ITSN2: variants seen among roughly 807,000 people sequenced by gnomAD.
ITSN2 encodes the protein intersectin 2.
Under a neutral mutation model 243.7 loss-of-function variants are expected in ITSN2, and 156 were observed. The ratio of observed to expected loss-of-function variants is 0.64; its 90% CI spans 0.56 to 0.73. The LOEUF is 0.73. Among genes scored for constraint, ITSN2 ranks in the 30% least tolerant of loss-of-function variants. The pLI, the probability that ITSN2 is intolerant of heterozygous loss-of-function variation, is 0.00. For synonymous variants in ITSN2, 703 were observed against 699.9 expected (o/e 1.00, Z -0.07); for missense variants, 1,801 against 1,996.1 (o/e 0.90, Z 1.86).
chr2:24,255,991 T>C (rs1011106605), intron 23 of ITSN2, among the ~76,000 whole-genome samples: 3 of 151,914 alleles, frequency 2.0e-5, no homozygotes, highest in Admixed American at 1.3e-4. Flanking sequence ...AGGTGGAGGT[T>C]GTGGTGAGCT....
In ITSN2 at chr2:24,249,132, G is replaced by C. The variant is rs1382036916; in HGVS notation, c.3121-250C>G. ...TCATCGTCAACCATTGACTCAACAG[G>C]AAGAGCTCGTTTTCTGAAACCTAAA... On this transcript the variant is annotated intron_variant, in intron 25 of 39. Coordinates refer to ENST00000355123, the MANE Select transcript of ITSN2 (RefSeq NM_006277.3). The surrounding 1 kb of genome is among the most constrained non-coding windows in gnomAD (Gnocchi z 4.4). Among the ~76,000 whole-genome samples, 2 of 152,116 alleles carry C rather than the reference G, an allele frequency of 1.3e-5. No homozygotes were observed. The highest frequency in any genetic ancestry group is 2.1e-4 in the South Asian group (1 of 4,826).
chr2:24,306,217 T>C (rs1682518991), intron 8 of ITSN2, among the ~76,000 whole-genome samples: 1 of 152,120 alleles, frequency 6.6e-6, no homozygotes, highest in Non-Finnish European at 1.5e-5. Flanking sequence ...TGACCTCAAG[T>C]GATCCGCCCG....
intron 1 of ITSN2, among the ~76,000 whole-genome samples, chr2:24,358,811 C>G (rs1328120291): frequency 6.6e-6 from 1 of 152,148 alleles, no homozygotes; most frequent in Non-Finnish European, 1.5e-5. Flanking sequence ...CAGGAGAGAT[C>G]AAGATTTTAG....
chr2:24,208,595 C>T (rs182998019), intron 36 of ITSN2, among the ~76,000 whole-genome samples: 1 of 152,190 alleles, frequency 6.6e-6, no homozygotes, highest in Non-Finnish European at 1.5e-5. Context: ...TGATACCTGT[C>T]ACGAGGGGTT....
intron 8 of ITSN2, among the ~76,000 whole-genome samples, chr2:24,304,775 A>T (rs1370941171): frequency 6.6e-6 from 1 of 152,168 alleles, no homozygotes; most frequent in East Asian, 1.9e-4. Context: ...AGAGAGAAGG[A>T]GGAGGAATGT....
rs1668668623 is a variant in ITSN2, at chr2:24,204,688, AC to A, written c.4763-271del. 5.1e-6 allele frequency: 3 copies of A among 592,478 alleles called. No homozygotes were observed. In the East Asian group the frequency reaches 1.1e-4, roughly 22 times the overall value. The allele number at this position is 592,478 out of a possible 1,614,324, so 36.7% of individuals were successfully genotyped here. On this transcript the variant is annotated intron_variant, in intron 38 of 39. Transcript: ENST00000355123. This position sits in a 1 kb window ranked among gnomAD's most constrained non-coding sequence, Gnocchi z 5.1. ...ACAATCCTGGGTGAGTGTCACTGCA[AC>A]CTGCTGCATGCTTCCTCGGCGCAGA...
rs1337156008 is a variant in ITSN2 at position 24,211,443 on chromosome 2, T to C, written c.4090-496A>G. Among the ~76,000 whole-genome samples the C allele has an allele frequency of 6.6e-6, 1 of 152,204 alleles. No homozygotes were observed. Among genetic ancestry groups the C allele is most frequent in the Non-Finnish European group, 1.5e-5 (1 of 68,044 alleles). On this transcript the variant is annotated intron_variant, in intron 33 of 39. Coordinates refer to ENST00000355123, the MANE Select transcript of ITSN2 (RefSeq NM_006277.3). This position sits in a 1 kb window ranked among gnomAD's most constrained non-coding sequence, Gnocchi z 4.1. The stretch of plus-strand genomic sequence containing the variant: ...ATACAATAAAATCACATTGTCAGCA[T>C]GTGGAAGAAATGCATTCTGTTCATT...
intron 25 of ITSN2, 45 bp from the exon 26 acceptor site, chr2:24,248,927 CAA>C: frequency 6.4e-7 from 1 of 1,563,204 alleles, no homozygotes. Flanking sequence ...TCCAACAATC[CAA>C]ATGTAAAAGT....
chr2:24,321,488 A>G (rs1455654915), intron 2 of ITSN2, among the ~76,000 whole-genome samples: 1 of 152,228 alleles, frequency 6.6e-6, no homozygotes, highest in East Asian at 1.9e-4. Flanking sequence ...TAAAAAATCT[A>G]TAAATATCCT....
At chr2:24,220,275 G>A (rs1670320583) in intron 30 of ITSN2, 19 of 968,060 alleles carry the variant, frequency 2.0e-5, no homozygotes, top group Non-Finnish European at 2.2e-5. Context: ...CTTCTCACCT[G>A]AGGGCCTGTA....
chr2:24,313,712 A>C (rs1462032311), intron 3 of ITSN2, among the ~76,000 whole-genome samples, 189 bp from the exon 4 acceptor site: 1 of 152,258 alleles, frequency 6.6e-6, no homozygotes, highest in East Asian at 1.9e-4. Flanking sequence ...TTAAAACAAA[A>C]GTCACATCTG....
At position 24,204,495 on chromosome 2, in the gene ITSN2, G is replaced by T; in HGVS notation, c.4763-77C>A. On this transcript the variant is annotated intron_variant, in intron 38 of 39. Transcript: ENST00000355123. This position sits in a 1 kb window ranked among gnomAD's most constrained non-coding sequence, Gnocchi z 5.1. ...CGACTGACAGTGCCCTCCCTGAGCA[G>T]AAGCAGGATTCCAATAATGGGTCAC... 1 of 1,318,692 alleles carries T rather than the reference G, an allele frequency of 7.6e-7. No individual in the cohort carries two copies. Among genetic ancestry groups the T allele is most frequent in the Non-Finnish European group, 1.1e-6 (1 of 912,180 alleles). The allele number at this position is 1,318,692 out of a possible 1,614,324, so 81.7% of individuals were successfully genotyped here. A position where few individuals can be genotyped will look rare whatever the true frequency, so the allele number is the denominator to read the frequency against.
chr2:24,223,876 A>AAG (rs1553344579), intron 29 of ITSN2, among the ~76,000 whole-genome samples: 11 of 52,314 alleles, frequency 2.1e-4, no homozygotes, highest in African/African-American at 5.7e-4. Flanking sequence ...AGAAAGAAAA[A>AAG]AAAGAAAGAA....
rs1675276276 is a variant in ITSN2, at chr2:24,257,946, C to T, written c.2830G>A (p.Gly944Arg). ...TTGACATAAGATTTGGGAAACCATC[C>T]TCTTCCTCCATGCACCTCCCCAAAC... Reference protein sequence around the residue: ...WWFGEVHGGRGWFPKSYVKII... With the variant: ...WWFGEVHGGRRWFPKSYVKII... Residue 944 changes from glycine to arginine, a missense_variant, in exon 23 of 40, where the codon GGA (glycine) becomes AGA (arginine). By Grantham distance (125) the Gly-to-Arg change is moderately radical. Around this residue, in one of 5 missense-constraint regions of ITSN2, gnomAD observed 928 missense variants for 1,065.4 expected, o/e 0.87. Transcript: ENST00000355123. The T allele has an allele frequency of 1.9e-6, 3 of 1,613,938 alleles. No homozygotes were observed. Among genetic ancestry groups the T allele is most frequent in the Non-Finnish European group, 8.5e-7 (1 of 1,179,974 alleles).
chr2:24,224,368 G>A (rs1022113792), intron 29 of ITSN2, among the ~76,000 whole-genome samples: 48 of 152,148 alleles, frequency 3.2e-4, no homozygotes, highest in Admixed American at 9.8e-4. Context: ...ATAATCATTC[G>A]AATGAAACAG....
At chr2:24,338,150 C>A (rs1686663240) in intron 1 of ITSN2, among the ~76,000 whole-genome samples, 1 of 152,186 alleles carries the variant, frequency 6.6e-6, no homozygotes. Flanking sequence ...TCTATCCTCT[C>A]AGAAGCCTGC....
At chr2:24,314,415 C>T (rs1251182877) in intron 3 of ITSN2, among the ~76,000 whole-genome samples, 4 of 152,178 alleles carry the variant, frequency 2.6e-5, no homozygotes, top group African/African-American at 9.6e-5. Flanking sequence ...CCCAGATTAA[C>T]ACTAACCATC....
intron 29 of ITSN2, among the ~76,000 whole-genome samples, chr2:24,237,249 C>T (rs1001351314): frequency 2.6e-5 from 4 of 152,102 alleles, no homozygotes; most frequent in African/African-American, 9.7e-5. Flanking sequence ...AAGAAGTCCT[C>T]AAAAAAGAGC....
chr2:24,348,878 C>G (rs1344753224), intron 1 of ITSN2, among the ~76,000 whole-genome samples: 1 of 152,146 alleles, frequency 6.6e-6, no homozygotes, highest in African/African-American at 2.4e-5. Context: ...CAATATACTT[C>G]AATTACTACA....
Sources: allele counts gnomAD v4.1 joint callset (sites outside exome capture counted in the v4.1 genomes callset), GRCh38; gene constraint gnomAD v4.1.1; regional missense constraint gnomAD v4.1.1; non-coding constraint Gnocchi (gnomAD v3.1); transcripts MANE v1.5; gene names NCBI Gene and HGNC (gene_info 2026-07-23, HGNC 2026-07-21).